The following DDX3X variants were observed in gnomAD, a reference collection of about 807,000 sequenced individuals.
DDX3X encodes the protein DEAD-box helicase 3 X-linked.
A neutral mutation model predicts 52.7 loss-of-function variants in DDX3X; 4 were observed. The observed-to-expected ratio is 0.08, with a 90% confidence interval of 0.04 to 0.17. DDX3X has a LOEUF of 0.17. Ranked by LOEUF, DDX3X falls within the 10% of genes least tolerant of loss-of-function variation. The probability of loss-of-function intolerance (pLI) is 1.00; values close to 1 mark genes in which losing one functional copy is unlikely to be tolerated. For missense variants in DDX3X, 222 were observed against 548.6 expected (o/e 0.40, Z 5.95); for synonymous variants, 192 against 178.1 (o/e 1.08, Z -0.62).
At chrX:41,357,841 TCCTCTGTGGAGCAAGTG>T in intron 5 of DDX3X, 2 of 297,110 alleles carry the variant, frequency 6.7e-6, no homozygotes, top group African/African-American at 5.4e-5. Context: ...AGGATCATGC[TCCTCTGTGGAGCAAGTG>T]CCTCCATGAA....
rs14554 is a variant in DDX3X, at chrX:41,350,031, A to G, written c.*2312A>G. The G allele has an allele frequency of 2.7e-5, 3 of 111,782 alleles. No homozygotes were observed. Among genetic ancestry groups the G allele is most frequent in the Middle Eastern group, 4.2e-3 (1 of 238 alleles). The allele number at this position is 111,782 out of a possible 1,213,427, so 9.2% of individuals were successfully genotyped here. A position where few individuals can be genotyped will look rare whatever the true frequency, so the allele number is the denominator to read the frequency against. ...TTTGAGCAAGTTTTATCAGCAAGCA[A>G]TATTTTCAGTTAATAAGGTTTCAAA... On this transcript the variant is annotated 3_prime_UTR_variant, in exon 17 of 17. Coordinates refer to ENST00000644876, the MANE Select transcript of DDX3X (RefSeq NM_001356.5).
At chrX:41,341,437 C>G in intron 3 of DDX3X, 47 bp from the exon 4 acceptor site, 1 of 1,073,452 alleles carries the variant, frequency 9.3e-7, no homozygotes. Flanking sequence ...AACATGGTTC[C>G]TATTTCTAAT....
chrX:41,334,404 GGTGCCCCGGGCTGGCGGGTGTGA>G (rs1426669065), intron 1 of DDX3X, 107 bp downstream of exon 1: 169 of 1,135,498 alleles, frequency 1.5e-4, no homozygotes, highest in East Asian at 6.5e-4. Context: ...TCATTTTCTG[GGTGCCCCGGGCTGGCGGGTGTGA>G]GTGCCCCGGG....
Position 41,348,223 on chromosome X carries a change from G to C in DDX3X, c.*504G>C. 5.6e-6 allele frequency: 1 copy of C among 178,890 alleles called. No homozygotes were observed. Among genetic ancestry groups the C allele is most frequent in the Non-Finnish European group, 1.0e-5 (1 of 95,929 alleles). The allele number at this position is 178,890 out of a possible 1,213,427, so 14.7% of individuals were successfully genotyped here. ...TAAGGAAAAACTTATGCGGTAGCCT[G>C]CATTAGGGCTTTTTGATACTTGCAG... On this transcript the variant is annotated 3_prime_UTR_variant, in exon 17 of 17. Transcript: ENST00000644876.
In DDX3X at chrX:41,349,593, GAC is replaced by G. The variant is rs1421246939; in HGVS notation, c.*1876_*1877del. The G allele has an allele frequency of 1.8e-5, 2 of 112,429 alleles. No individual in the cohort carries two copies. The allele number at this position is 112,429 out of a possible 1,213,427, so 9.3% of individuals were successfully genotyped here. On this transcript the variant is annotated 3_prime_UTR_variant, in exon 17 of 17. Transcript: ENST00000644876. ...AAAGTTTAAAGAAACTTGACCAAAA[GAC>G]AGTACAAAAACACTGGCACTTGAAT...
intron 15 of DDX3X, 76 bp from the exon 16 acceptor site, chrX:41,347,236 T>C (rs982603864): frequency 1.0e-5 from 11 of 1,078,027 alleles, no homozygotes; most frequent in Non-Finnish European, 1.3e-5. Context: ...AATTAGAAAT[T>C]GGTCATTAGG....
chrX:41,347,417 A>T lies in DDX3X; in HGVS notation c.1875A>T (p.Gly625=). 2 of 1,211,220 alleles carry T rather than the reference A, an allele frequency of 1.7e-6. No individual in the cohort carries two copies. Among genetic ancestry groups the T allele is most frequent in the Non-Finnish European group, 2.2e-6 (2 of 895,057 alleles). ...SSRASSSRSG[G]GGHGSSRGFG... is the part of the protein sequence containing the mutation. ...GCGCAAGCAGCAGCCGCAGTGGCGGAGGTGGCCACGGTAGCAGCAGAGGAT... is the reference window on the plus strand; with the variant it reads ...GCGCAAGCAGCAGCCGCAGTGGCGGTGGTGGCCACGGTAGCAGCAGAGGAT... Residue 625 remains glycine, a synonymous_variant, in exon 16 of 17, where the codon GGA becomes GGT. Coordinates refer to ENST00000644876, the MANE Select transcript of DDX3X (RefSeq NM_001356.5).
intron 1 of DDX3X, chrX:41,334,714 G>A: frequency 2.0e-6 from 2 of 997,302 alleles, no homozygotes; most frequent in Non-Finnish European, 2.6e-6. Context: ...GCGCAGCCTG[G>A]ATTCCCGTCC....
At position 41,334,168 on chromosome X, in the gene DDX3X, G is replaced by A. The variant is rs878961905; in HGVS notation, c.-85G>A. Reference sequence around the variant, plus strand: ...TGGCCGCGCGGTGCGCTCCAGAGCCGCAGTTCTCCCGTGAGAGGGCCTTCG... The same window carrying A: ...TGGCCGCGCGGTGCGCTCCAGAGCCACAGTTCTCCCGTGAGAGGGCCTTCG... On this transcript the variant is annotated 5_prime_UTR_variant, in exon 1 of 17. Coordinates refer to ENST00000644876, the MANE Select transcript of DDX3X (RefSeq NM_001356.5). The A allele has an allele frequency of 1.1e-5, 11 of 1,011,771 alleles. No individual in the cohort carries two copies. Among genetic ancestry groups the A allele is most frequent in the South Asian group, 6.2e-5 (3 of 48,536 alleles). 83.4% of individuals were successfully genotyped at this position (1,011,771 alleles called of 1,213,427 possible). A position where few individuals can be genotyped will look rare whatever the true frequency, so the allele number is the denominator to read the frequency against.
chrX:41,342,225 C>T (rs2063860977), intron 4 of DDX3X: 1 of 287,014 alleles, frequency 3.5e-6, no homozygotes, highest in Non-Finnish European at 6.1e-6. Flanking sequence ...GTGCCGATTT[C>T]AAATAAAATC....
At chrX:41,339,908 C>CTTTTTTTT (rs11291103) in intron 3 of DDX3X, 15 of 65,196 alleles carry the variant, frequency 2.3e-4, no homozygotes, top group African/African-American at 5.0e-4. Flanking sequence ...ATCACTTTGG[C>CTTTTTTTT]TTTTTTTTTT....
At chrX:41,352,493 T>C (rs1159633154), downstream of DDX3X, among the ~76,000 whole-genome samples, 2 of 111,329 alleles carry the variant, frequency 1.8e-5, no homozygotes, top group African/African-American at 6.5e-5. Context: ...CTGAACCTCT[T>C]CTCCAGACCT....
At chrX:41,363,574 G>A (rs112259840) in intron 5 of DDX3X, among the ~76,000 whole-genome samples, 5,255 of 108,971 alleles carry the variant, frequency 0.048, 303 homozygotes, top group African/African-American at 0.16. Context: ...ACCTGAGGTC[G>A]GGAGTTCAAG....
chrX:41,360,882 G>T (rs372207765), intron 5 of DDX3X, among the ~76,000 whole-genome samples: 1 of 108,230 alleles, frequency 9.2e-6, no homozygotes, highest in South Asian at 4.1e-4. Context: ...CTTTGTTTGG[G>T]GGGGGCACAG....
Position 41,346,780 on chromosome X carries a change from C to G in DDX3X, c.1616-79C>G, listed in dbSNP as rs767890774. The G allele has an allele frequency of 8.0e-5, 81 of 1,009,833 alleles. No individual in the cohort carries two copies. The African/African-American group carries it at 1.4e-3, about 18-fold the overall frequency. The allele number at this position is 1,009,833 out of a possible 1,213,427, so 83.2% of individuals were successfully genotyped here. ...TTACGTGGTAATATTTTAAATATTTCTACGTAGGAAAGTAAGAATAGTAGC... is the reference window on the plus strand; with the variant it reads ...TTACGTGGTAATATTTTAAATATTTGTACGTAGGAAAGTAAGAATAGTAGC... On this transcript the variant is annotated intron_variant, in intron 14 of 16. Transcript: ENST00000644876.
rs2063953806 is a variant in DDX3X, at chrX:41,348,452, C to G, written c.*733C>G. The stretch of plus-strand genomic sequence containing the variant: ...CAAAGCACTGTTTTCAAAGTTAATG[C>G]AAGTAAATACAGCAATTCCTCTTTC... On this transcript the variant is annotated 3_prime_UTR_variant, in exon 17 of 17. Transcript: ENST00000644876. 8.9e-6 allele frequency: 1 copy of G among 112,569 alleles called. No homozygotes were observed. Among genetic ancestry groups the G allele is most frequent in the African/African-American group, 3.2e-5 (1 of 30,908 alleles). The allele number at this position is 112,569 out of a possible 1,213,427, so 9.3% of individuals were successfully genotyped here. A position where few individuals can be genotyped will look rare whatever the true frequency, so the allele number is the denominator to read the frequency against.
At chrX:41,355,181 TG>T (rs2147370328), downstream of DDX3X, among the ~76,000 whole-genome samples, 1 of 111,749 alleles carries the variant, frequency 8.9e-6, no homozygotes, top group South Asian at 3.7e-4. Flanking sequence ...GTTCAGCCGT[TG>T]AAGGATATTT....
upstream of DDX3X, chrX:41,334,157 G>C: frequency 3.2e-6 from 3 of 933,264 alleles, no homozygotes; most frequent in Non-Finnish European, 4.5e-6. Context: ...CGCGCGGTGC[G>C]CTCCAGAGCC....
Position 41,347,912 on chromosome X carries a change from G to C in DDX3X, c.*193G>C. On this transcript the variant is annotated 3_prime_UTR_variant, in exon 17 of 17. Transcript: ENST00000644876. ...AAGGAACAATCAGCAGCCCTGTTCA[G>C]AAGGTGGTTTGAAGACTTCATTGCT... The C allele has an allele frequency of 2.5e-6, 1 of 397,488 alleles. No individual in the cohort carries two copies. Among genetic ancestry groups the C allele is most frequent in the Non-Finnish European group, 4.3e-6 (1 of 230,448 alleles). 32.8% of individuals were successfully genotyped at this position (397,488 alleles called of 1,213,427 possible).
Sources: gnomAD v4.1 joint callset for allele counts (sites outside exome capture counted in the v4.1 genomes callset) on GRCh38, gnomAD v4.1.1 for gene constraint, MANE v1.5 for transcripts, NCBI Gene and HGNC (gene_info 2026-07-23, HGNC 2026-07-21) for gene names.